The following TVP23C variants were observed in gnomAD, a reference collection of about 807,000 sequenced individuals.
TVP23C encodes the protein Golgi apparatus membrane protein TVP23 homolog C.
A neutral mutation model predicts 28.7 loss-of-function variants in TVP23C; 19 were observed. The observed-to-expected ratio is 0.66, with a 90% CI of 0.46 to 0.97. The LOEUF is 0.97. Ranked by LOEUF, TVP23C falls within the 50% of genes least tolerant of loss-of-function variation. The pLI is 0.00. For synonymous variants in TVP23C, 68 were observed against 81.7 expected, an observed-to-expected ratio of 0.83 and a Z score of 0.90; for missense variants, 186 against 241.3, an observed-to-expected ratio of 0.77 and a Z score of 1.52.
At chr17:15,506,878 A>G in intron 5 of TVP23C, 1 of 791,246 alleles carries the variant, frequency 1.3e-6, no homozygotes. Flanking sequence ...GGTCAACCCC[A>G]CCATGTTCTT....
chr17:15,529,385 G>C (rs1021120704), intron 5 of TVP23C, among the ~76,000 whole-genome samples: 32 of 152,202 alleles, frequency 2.1e-4, no homozygotes, highest in African/African-American at 7.0e-4. Flanking sequence ...CTGGGAGCTG[G>C]GGGTCGCAGT....
chr17:15,553,959 T>C (rs1411907553), intron 2 of TVP23C, 130 bp from the exon 3 acceptor site: 1 of 1,523,394 alleles, frequency 6.6e-7, no homozygotes, highest in East Asian at 2.3e-5. Flanking sequence ...GTGACTTTAG[T>C]AGGAGGAAGC....
In TVP23C at chr17:15,542,519, C is replaced by T. The variant is rs200074219; in HGVS notation, c.463-1958G>A. Among the ~76,000 whole-genome samples, 6 of 152,252 alleles carry T rather than the reference C, an allele frequency of 3.9e-5. No individual in the cohort carries two copies. The East Asian group carries it at 1.2e-3, about 29-fold the overall frequency. On this transcript the variant is annotated intron_variant, in intron 5 of 5. Coordinates refer to ENST00000518321, the MANE Select transcript of TVP23C (RefSeq NM_001135036.2). Reference sequence around the variant, plus strand: ...TGAGACGGAGTCTCGCTCTGTCACTCAGGCTGGAGTGCGGTGGCACGATCT... The same window carrying T: ...TGAGACGGAGTCTCGCTCTGTCACTTAGGCTGGAGTGCGGTGGCACGATCT...
In TVP23C at chr17:15,563,427, A is replaced by G. The variant is rs780775408; in HGVS notation, c.12+10T>C. ...GCCGCCACCCTCCCAGCGCGCCCTC[A>G]GCCCCTCACCTGCTGCAACATGGCG... On this transcript the variant is annotated intron_variant, in intron 1 of 5. Coordinates refer to ENST00000518321, the MANE Select transcript of TVP23C (RefSeq NM_001135036.2). 5.3e-5 allele frequency: 85 copies of G among 1,593,328 alleles called. No individual in the cohort carries two copies. In the Admixed American group the frequency reaches 1.5e-3, roughly 27 times the overall value.
At chr17:15,556,450 C>T (rs1039225352) in intron 1 of TVP23C, among the ~76,000 whole-genome samples, 2 of 150,808 alleles carry the variant, frequency 1.3e-5, no homozygotes, top group African/African-American at 4.9e-5. Context: ...CAACCTCTGC[C>T]TCCTGGGTTC....
At chr17:15,505,937 C>G (rs1267174490) in intron 5 of TVP23C, among the ~76,000 whole-genome samples, 1 of 152,242 alleles carries the variant, frequency 6.6e-6, no homozygotes, top group African/African-American at 2.4e-5. Flanking sequence ...GGGCAGGGCT[C>G]GGGACCTGCA....
intron 5 of TVP23C, among the ~76,000 whole-genome samples, chr17:15,542,649 T>G (rs1233430031): frequency 5.9e-5 from 9 of 151,818 alleles, no homozygotes; most frequent in Non-Finnish European, 1.0e-4. Flanking sequence ...GCTAATTTTT[T>G]TATTTTTAGT....
rs542121816 is a variant in TVP23C at position 15,558,924 on chromosome 17, A to G, written c.13-3560T>C. 3.4e-5 allele frequency among the ~76,000 whole-genome samples: 5 copies of G among 145,782 alleles called. No homozygotes were observed. The East Asian group carries it at 6.0e-4, about 17-fold the overall frequency. On this transcript the variant is annotated intron_variant, in intron 1 of 5. Transcript: ENST00000518321. ...TCTCGCCCAGGCTGGAGTGCAGTGG[A>G]ACAATCAGGGGTCACTACTGCAGGC... is the stretch of plus-strand genomic sequence containing the variant.
intron 5 of TVP23C, among the ~76,000 whole-genome samples, chr17:15,519,919 G>A (rs1192623840): frequency 6.6e-6 from 1 of 152,138 alleles, no homozygotes; most frequent in South Asian, 2.1e-4. Context: ...CAAACAAAAA[G>A]TACTGTCATT....
intron 5 of TVP23C, among the ~76,000 whole-genome samples, chr17:15,508,635 C>T (rs1394534386): frequency 6.6e-6 from 1 of 152,240 alleles, no homozygotes; most frequent in African/African-American, 2.4e-5. Flanking sequence ...AGCTCCACCA[C>T]CTTACTGAGT....
At position 15,539,570 on chromosome 17, in the gene TVP23C, T is replaced by G. The variant is rs2150847948; in HGVS notation, c.*842A>C. 1.1e-6 allele frequency: 1 copy of G among 904,270 alleles called. No individual in the cohort carries two copies. The highest frequency in any genetic ancestry group is 1.9e-5 in the African/African-American group (1 of 52,680). 56.0% of individuals were successfully genotyped at this position (904,270 alleles called of 1,614,324 possible). ...GTAAGCCGAGATCACGCCACTGCAC[T>G]CCAGCCTGGGCGACAGAGCAAGACT... On this transcript the variant is annotated 3_prime_UTR_variant, in exon 6 of 6. Transcript: ENST00000518321.
At chr17:15,563,380 A>G in intron 1 of TVP23C, 57 bp downstream of exon 1, 1 of 1,561,624 alleles carries the variant, frequency 6.4e-7, no homozygotes, top group Non-Finnish European at 8.6e-7. Flanking sequence ...GTCCCACGGA[A>G]CCTGCAGAGC....
In TVP23C at chr17:15,545,924, A is replaced by G. The variant is rs1215780296; in HGVS notation, c.331-8T>C. 1 of 1,599,280 alleles carries G rather than the reference A, an allele frequency of 6.3e-7. No homozygotes were observed. Among genetic ancestry groups the G allele is most frequent in the Non-Finnish European group, 8.5e-7 (1 of 1,176,246 alleles). ...ATTCTCTTGAGAGGACTCCTATAAA[A>G]GAACATAAATTCAATTATCATGTTG... is the stretch of plus-strand genomic sequence containing the variant. On this transcript the variant is annotated splice_polypyrimidine_tract_variant and splice_region_variant and intron_variant, in intron 4 of 5. Coordinates refer to ENST00000518321, the MANE Select transcript of TVP23C (RefSeq NM_001135036.2).
intron 5 of TVP23C, among the ~76,000 whole-genome samples, chr17:15,526,855 A>G (rs1982750031): frequency 6.6e-6 from 1 of 152,244 alleles, no homozygotes; most frequent in African/African-American, 2.4e-5. Context: ...AAAAAAATAA[A>G]TAACAGGATG....
intron 5 of TVP23C, among the ~76,000 whole-genome samples, chr17:15,544,777 C>T (rs1016645088): frequency 4.6e-5 from 7 of 151,932 alleles, no homozygotes; most frequent in African/African-American, 1.4e-4. Context: ...AGACAATAAG[C>T]TTCCAATAAG....
At chr17:15,520,013 C>T (rs950547461) in intron 5 of TVP23C, among the ~76,000 whole-genome samples, 1 of 151,914 alleles carries the variant, frequency 6.6e-6, no homozygotes, top group Non-Finnish European at 1.5e-5. Flanking sequence ...CCCTGGATGC[C>T]ATTTAGCTTG....
At chr17:15,544,254 T>C (rs1307007157) in intron 5 of TVP23C, among the ~76,000 whole-genome samples, 1 of 152,162 alleles carries the variant, frequency 6.6e-6, no homozygotes, top group Non-Finnish European at 1.5e-5. Flanking sequence ...CTCATATGTT[T>C]AAACATGAGT....
intron 5 of TVP23C, among the ~76,000 whole-genome samples, chr17:15,521,631 A>C (rs1288043543): frequency 6.6e-6 from 1 of 152,270 alleles, no homozygotes; most frequent in African/African-American, 2.4e-5. Flanking sequence ...AGAGAAACTT[A>C]GTTTATGATG....
intron 5 of TVP23C, chr17:15,507,289 G>A (rs558245527): frequency 2.4e-5 from 18 of 755,174 alleles, no homozygotes; most frequent in South Asian, 1.5e-4. Context: ...CCCATGGAGC[G>A]CTTTCGGTCC....
Sources: gnomAD v4.1 joint callset for allele counts (sites outside exome capture counted in the v4.1 genomes callset) on GRCh38, gnomAD v4.1.1 for gene constraint, MANE v1.5 for transcripts, NCBI Gene and HGNC (gene_info 2026-07-23, HGNC 2026-07-21) for gene names.